The following TMEM168 variants were observed in gnomAD, a reference collection of about 807,000 sequenced individuals.
TMEM168 encodes the protein transmembrane protein 168.
TMEM168 carries 40 observed loss-of-function variants against 53.2 expected under a neutral mutation model. The observed-to-expected ratio is 0.75, with a 90% CI of 0.58 to 0.98. The LOEUF (loss-of-function observed/expected upper bound fraction) is 0.98, where lower values mean the gene tolerates loss of function less well. Ranked by LOEUF, TMEM168 falls within the 50% of genes least tolerant of loss-of-function variation. The pLI, the probability that TMEM168 is intolerant of heterozygous loss-of-function variation, is 0.00. For synonymous variants in TMEM168, 282 were observed against 293.0 expected (o/e 0.96, Z 0.38); for missense variants, 771 against 828.8 (o/e 0.93, Z 0.86).
chr7:112,778,993 A>T (rs1331264907), intron 2 of TMEM168, among the ~76,000 whole-genome samples: 3 of 152,052 alleles, frequency 2.0e-5, no homozygotes, highest in African/African-American at 7.2e-5. Flanking sequence ...GGCTCATGTG[A>T]TCCTACCACC....
chr7:112,783,582 G>A (rs954124235), intron 2 of TMEM168, 116 bp downstream of exon 2: 4 of 1,071,960 alleles, frequency 3.7e-6, no homozygotes, highest in Non-Finnish European at 5.1e-6. Context: ...AAAATTAAGA[G>A]CAAACATGAA....
Position 112,767,116 on chromosome 7 carries a change from A to T in TMEM168, c.*81T>A. ...AGTAGCAAGGTATTTTCCACAAATA[A>T]AAATACAGCATACAAAAAATGGCAA... On this transcript the variant is annotated 3_prime_UTR_variant, in exon 5 of 5. Transcript: ENST00000312814. The T allele has an allele frequency of 1.4e-6, 2 of 1,390,922 alleles. No homozygotes were observed. Among genetic ancestry groups the T allele is most frequent in the Non-Finnish European group, 1.9e-6 (2 of 1,027,124 alleles). The allele number at this position is 1,390,922 out of a possible 1,614,324, so 86.2% of individuals were successfully genotyped here.
chr7:112,787,661 C>T (rs1224328972), intron 1 of TMEM168, among the ~76,000 whole-genome samples: 2 of 151,044 alleles, frequency 1.3e-5, no homozygotes, highest in South Asian at 2.1e-4. Flanking sequence ...GTGATCCACC[C>T]GCCTCGCCTC....
intron 2 of TMEM168, among the ~76,000 whole-genome samples, chr7:112,780,155 T>C (rs1426979686): frequency 6.6e-6 from 1 of 152,238 alleles, no homozygotes; most frequent in Non-Finnish European, 1.5e-5. Flanking sequence ...GTTAGACTTT[T>C]GTTCAATCCC....
chr7:112,781,311 C>T (rs1262054568), intron 2 of TMEM168, among the ~76,000 whole-genome samples: 1 of 152,072 alleles, frequency 6.6e-6, no homozygotes, highest in African/African-American at 2.4e-5. Flanking sequence ...ACAGAGGACT[C>T]ATTATTTTCA....
rs1202796627 is a variant in TMEM168, at chr7:112,764,945, G to C, written c.*2252C>G. 6.6e-6 allele frequency: 1 copy of C among 152,204 alleles called. No individual in the cohort carries two copies. The highest frequency in any genetic ancestry group is 1.9e-4 in the East Asian group (1 of 5,200). The allele number at this position is 152,204 out of a possible 1,614,324, so 9.4% of individuals were successfully genotyped here. ...GTGCCTTAGCCTCCCAAGTAGCTGG[G>C]ATTACAGGCACCTGCCACCATGCCC... On this transcript the variant is annotated 3_prime_UTR_variant, in exon 5 of 5. Transcript: ENST00000312814.
At chr7:112,781,289 C>T (rs1793225511) in intron 2 of TMEM168, among the ~76,000 whole-genome samples, 1 of 152,130 alleles carries the variant, frequency 6.6e-6, no homozygotes, top group Non-Finnish European at 1.5e-5. Context: ...TTATAGTACA[C>T]TGTACCCAAC....
At chr7:112,777,655 T>C (rs1019816889) in intron 2 of TMEM168, among the ~76,000 whole-genome samples, 1 of 152,214 alleles carries the variant, frequency 6.6e-6, no homozygotes, top group Non-Finnish European at 1.5e-5. Flanking sequence ...TTCAGCTTTG[T>C]CTAATGTTAT....
rs1376034388 is a variant in TMEM168 at position 112,764,806 on chromosome 7, A to AC, written c.*2390dup. On this transcript the variant is annotated 3_prime_UTR_variant, in exon 5 of 5. Coordinates refer to ENST00000312814, the MANE Select transcript of TMEM168 (RefSeq NM_022484.6). Reference sequence around the variant, plus strand: ...AGCCACCATGCCTGGCTAAACATGTACTTTTTTTTTTTTTTGAGACAAAGA... The same window carrying AC: ...AGCCACCATGCCTGGCTAAACATGTACCTTTTTTTTTTTTTTGAGACAAAGA... The AC allele has an allele frequency of 1.2e-5, 1 of 85,702 alleles. No homozygotes were observed. Among genetic ancestry groups the AC allele is most frequent in the Non-Finnish European group, 2.1e-5 (1 of 47,914 alleles). 5.3% of individuals were successfully genotyped at this position (85,702 alleles called of 1,614,324 possible). A position where few individuals can be genotyped will look rare whatever the true frequency, so the allele number is the denominator to read the frequency against.
chr7:112,772,330 A>C (rs1347063304), intron 4 of TMEM168, among the ~76,000 whole-genome samples: 1 of 152,162 alleles, frequency 6.6e-6, no homozygotes, highest in Admixed American at 6.6e-5. Flanking sequence ...TAGGACCAGA[A>C]CCAAGGTCTC....
chr7:112,789,730 A>C (rs1793492638), intron 1 of TMEM168, among the ~76,000 whole-genome samples: 1 of 152,218 alleles, frequency 6.6e-6, no homozygotes, highest in African/African-American at 2.4e-5. Flanking sequence ...ACACTGAAAA[A>C]ACAGGGAATT....
At chr7:112,773,718 CATTAAT>C (rs1195850275) in intron 3 of TMEM168, among the ~76,000 whole-genome samples, 2 of 151,848 alleles carry the variant, frequency 1.3e-5, no homozygotes, top group Admixed American at 1.3e-4. Context: ...AGCAAAATAC[CATTAAT>C]ATTGAGAAAG....
intron 4 of TMEM168, among the ~76,000 whole-genome samples, chr7:112,771,376 A>G (rs1792927419): frequency 6.6e-6 from 1 of 152,152 alleles, no homozygotes; most frequent in African/African-American, 2.4e-5. Context: ...ATGACCACAG[A>G]TAAGTTACAT....
At position 112,784,048 on chromosome 7, in the gene TMEM168, T is replaced by C; in HGVS notation, c.778A>G (p.Arg260Gly). 1 of 1,612,148 alleles carries C rather than the reference T, an allele frequency of 6.2e-7. No individual in the cohort carries two copies. Among genetic ancestry groups the C allele is most frequent in the Middle Eastern group, 1.7e-4 (1 of 6,058 alleles). The change falls in exon 2 of 5, where the codon AGA becomes GGA. Residue 260 changes from arginine to glycine, a missense_variant. Physicochemically the swap from Arg to Gly is moderately radical, Grantham distance 125 (BLOSUM62 -2). Transcript: ENST00000312814. ...ERWKPFLYRG[R>G]ICRRLSVVFA... ...ACGACTGAAAGTCTTCTGCAAATTC[T>C]TCCACGGTACAAAAAGGGTTTCCAT... is the stretch of plus-strand genomic sequence containing the variant.
intron 1 of TMEM168, among the ~76,000 whole-genome samples, chr7:112,787,684 G>A (rs1230905783): frequency 6.9e-6 from 1 of 145,810 alleles, no homozygotes; most frequent in Non-Finnish European, 1.5e-5. Context: ...AAAGTTCTGG[G>A]ATTACAGGCG....
chr7:112,772,635 G>T, intron 4 of TMEM168, 146 bp downstream of exon 4: 1 of 832,844 alleles, frequency 1.2e-6, no homozygotes, highest in Non-Finnish European at 1.8e-6. Flanking sequence ...AAACAGGTAT[G>T]CTAGAGCAAA....
intron 2 of TMEM168, among the ~76,000 whole-genome samples, chr7:112,779,200 A>T (rs922161287): frequency 6.6e-6 from 1 of 152,162 alleles, no homozygotes; most frequent in Non-Finnish European, 1.5e-5. Context: ...CCTGTCATAC[A>T]TTTTTAGAAA....
chr7:112,788,086 A>G (rs928133582), intron 1 of TMEM168, among the ~76,000 whole-genome samples: 5 of 151,942 alleles, frequency 3.3e-5, no homozygotes, highest in Non-Finnish European at 5.9e-5. Context: ...TCACCTTCCA[A>G]ACCATTCCTT....
At chr7:112,783,260 G>A (rs1793277643) in intron 2 of TMEM168, among the ~76,000 whole-genome samples, 1 of 152,204 alleles carries the variant, frequency 6.6e-6, no homozygotes, top group South Asian at 2.1e-4. Context: ...AAAGAAACAT[G>A]TTACAGTGAG....
Sources: gnomAD v4.1 joint callset for allele counts (sites outside exome capture counted in the v4.1 genomes callset) on GRCh38, gnomAD v4.1.1 for gene constraint, MANE v1.5 for transcripts, NCBI Gene and HGNC (gene_info 2026-07-23, HGNC 2026-07-21) for gene names.